Variants in CLASP2 observed in about 807,000 individuals in gnomAD.
CLASP2 encodes CLIP-associating protein 2.
CLASP2 carries 47 observed loss-of-function variants against 194.4 expected under a neutral mutation model. The observed-to-expected ratio is 0.24, with a 90% CI of 0.19 to 0.31. The LOEUF (loss-of-function observed/expected upper bound fraction) is 0.31, where lower values mean the gene tolerates loss of function less well. Among genes scored for constraint, CLASP2 ranks in the 10% least tolerant of loss-of-function variants. The probability of loss-of-function intolerance (pLI) is 1.00; values close to 1 mark genes in which losing one functional copy is unlikely to be tolerated. For synonymous variants in CLASP2, 619 were observed against 633.5 expected, an observed-to-expected ratio of 0.98 and a Z score of 0.34; for missense variants, 1,445 against 1,823.6, an observed-to-expected ratio of 0.79 and a Z score of 3.78.
rs537846651 is a variant in CLASP2, at chr3:33,667,406, C to CAAAAAAA, written c.645-3898_645-3892dup. ...CCTGGGTGACAGAGTGAGACTATCT[C>CAAAAAAA]AAAAAAAAAAAAAAAAAAAAAAGAC... is the stretch of plus-strand genomic sequence containing the variant. On this transcript the variant is annotated intron_variant, in intron 6 of 38. Transcript: ENST00000682230. Among the ~76,000 whole-genome samples, 19 of 44,126 alleles carry CAAAAAAA rather than the reference C, an allele frequency of 4.3e-4. 1 individual carries two copies. Among genetic ancestry groups the CAAAAAAA allele is most frequent in the East Asian group, 1.3e-3 (2 of 1,496 alleles). 28.9% of individuals were successfully genotyped at this position (44,126 alleles called of 152,430 possible). A position where few individuals can be genotyped will look rare whatever the true frequency, so the allele number is the denominator to read the frequency against.
intron 34 of CLASP2, among the ~76,000 whole-genome samples, chr3:33,527,970 C>G (rs890027598): frequency 1.3e-5 from 2 of 151,078 alleles, no homozygotes; most frequent in Non-Finnish European, 3.0e-5. Flanking sequence ...CAAAACAAAA[C>G]AAAAAAAACC....
At chr3:33,590,125 T>C (rs949020807) in intron 21 of CLASP2, among the ~76,000 whole-genome samples, 1 of 152,216 alleles carries the variant, frequency 6.6e-6, no homozygotes, top group African/African-American at 2.4e-5. Flanking sequence ...ATGACAATTT[T>C]ATTAGCCAAC....
chr3:33,700,141 C>T (rs574937571), intron 1 of CLASP2, among the ~76,000 whole-genome samples: 1 of 152,026 alleles, frequency 6.6e-6, no homozygotes, highest in Non-Finnish European at 1.5e-5. Context: ...TATTTAAAAC[C>T]TTAAAAATAA....
intron 37 of CLASP2, among the ~76,000 whole-genome samples, chr3:33,507,534 T>C (rs530614865): frequency 6.6e-6 from 1 of 152,282 alleles, no homozygotes; most frequent in Non-Finnish European, 1.5e-5. Flanking sequence ...TAGGCTGAAG[T>C]GCAGTGGTAT....
chr3:33,627,104 T>A (rs371093239), intron 9 of CLASP2, 24 bp from the exon 10 acceptor site: 31 of 1,320,124 alleles, frequency 2.3e-5, no homozygotes, highest in Non-Finnish European at 3.1e-5. Flanking sequence ...TTCAGAATTA[T>A]AACAATGTTT....
intron 8 of CLASP2, among the ~76,000 whole-genome samples, chr3:33,642,727 T>C (rs2081534477): frequency 6.6e-6 from 1 of 151,828 alleles, no homozygotes; most frequent in African/African-American, 2.4e-5. Context: ...TAAAGTTAAA[T>C]TTTCAAAGGA....
intron 25 of CLASP2, among the ~76,000 whole-genome samples, chr3:33,571,031 T>TTTTTTTTTTTTTTTTTTTTTTG (rs2063649145): frequency 6.8e-6 from 1 of 147,112 alleles, no homozygotes; most frequent in Non-Finnish European, 1.5e-5. Context: ...TTTTTTTTTT[T>TTTTTTTTTTTTTTTTTTTTTTG]TTGAGACGGA....
intron 20 of CLASP2, 128 bp downstream of exon 20, chr3:33,594,823 T>TA (rs1182259123): frequency 4.3e-6 from 2 of 462,950 alleles, no homozygotes; most frequent in Non-Finnish European, 7.4e-6. Context: ...ATGTAGAACT[T>TA]ACTACAACTG....
intron 34 of CLASP2, among the ~76,000 whole-genome samples, chr3:33,517,843 G>A (rs1414373976): frequency 2.0e-5 from 3 of 152,076 alleles, no homozygotes; most frequent in Non-Finnish European, 1.5e-5. Context: ...TTGTGGAGAC[G>A]GGGTTTCGCC....
At chr3:33,575,057 T>TA (rs2064553724) in intron 24 of CLASP2, among the ~76,000 whole-genome samples, 1 of 152,078 alleles carries the variant, frequency 6.6e-6, no homozygotes, top group Admixed American at 6.5e-5. Flanking sequence ...TTATCCAATT[T>TA]AAAAAACCCA....
At chr3:33,672,278 G>A (rs977876859) in intron 6 of CLASP2, among the ~76,000 whole-genome samples, 12 of 152,134 alleles carry the variant, frequency 7.9e-5, no homozygotes, top group Non-Finnish European at 1.2e-4. Context: ...AGCAGCATTC[G>A]CGGTTCACGA....
chr3:33,576,475 T>A, intron 23 of CLASP2, 200 bp from the exon 24 acceptor site: 1 of 522,524 alleles, frequency 1.9e-6, no homozygotes. Context: ...ACTGACAATG[T>A]GTGAAAAATA....
At chr3:33,575,187 C>T (rs915882661) in intron 24 of CLASP2, among the ~76,000 whole-genome samples, 1 of 152,080 alleles carries the variant, frequency 6.6e-6, no homozygotes, top group African/African-American at 2.4e-5. Flanking sequence ...AAAGTCCCTA[C>T]TTAATTATAT....
At chr3:33,711,307 G>A (rs535352542) in intron 1 of CLASP2, among the ~76,000 whole-genome samples, 16 of 149,060 alleles carry the variant, frequency 1.1e-4, no homozygotes, top group Admixed American at 2.0e-4. Context: ...GTGTAGTGTC[G>A]CAATCTCAGC....
chr3:33,635,598 C>G (rs1456710598), intron 8 of CLASP2, among the ~76,000 whole-genome samples: 1 of 152,022 alleles, frequency 6.6e-6, no homozygotes, highest in East Asian at 1.9e-4. Context: ...AAAACAGACC[C>G]ACAAATGTAA....
rs756036091 is a variant in CLASP2 at position 33,517,214 on chromosome 3, G to C, written c.3788-40C>G. The C allele has an allele frequency of 2.0e-6, 3 of 1,490,880 alleles. No individual in the cohort carries two copies. In the African/African-American group the frequency reaches 4.3e-5, roughly 21 times the overall value. 92.4% of individuals were successfully genotyped at this position (1,490,880 alleles called of 1,614,324 possible). On this transcript the variant is annotated intron_variant, in intron 34 of 38. Coordinates refer to ENST00000682230, the MANE Select transcript of CLASP2 (RefSeq NM_001365631.1). Reference sequence around the variant, plus strand: ...TGGTATTAGTTCTATAACTTTATAGGGTGACTCTCACAAGTATGGGGATAA... The same window carrying C: ...TGGTATTAGTTCTATAACTTTATAGCGTGACTCTCACAAGTATGGGGATAA...
intron 29 of CLASP2, chr3:33,558,329 AG>A (rs2061296311): frequency 6.6e-6 from 1 of 152,212 alleles, no homozygotes; most frequent in Non-Finnish European, 1.5e-5. Flanking sequence ...AGCCCTGATA[AG>A]AAACATAATT....
rs1264080770 is a variant in CLASP2, at chr3:33,635,500, C to T, written c.863-3129G>A. Among the ~76,000 whole-genome samples the T allele has an allele frequency of 3.9e-5, 6 of 152,244 alleles. No homozygotes were observed. In the East Asian group the frequency reaches 9.7e-4, roughly 25 times the overall value. ...AGGGGCTACTTACGCTATCAGACAACAAGACTTACAAAGCTGAAATAACTA... is the reference window on the plus strand; with the variant it reads ...AGGGGCTACTTACGCTATCAGACAATAAGACTTACAAAGCTGAAATAACTA... On this transcript the variant is annotated intron_variant, in intron 8 of 38. Transcript: ENST00000682230.
At chr3:33,695,544 G>A (rs2091801012) in intron 2 of CLASP2, among the ~76,000 whole-genome samples, 3 of 151,982 alleles carry the variant, frequency 2.0e-5, no homozygotes, top group Admixed American at 6.6e-5. Context: ...CTGACAGAAT[G>A]GTAGGTAGCA....
Sources: allele counts gnomAD v4.1 joint callset (sites outside exome capture counted in the v4.1 genomes callset), GRCh38; gene constraint gnomAD v4.1.1; transcripts MANE v1.5; gene names NCBI Gene and HGNC (gene_info 2026-07-23, HGNC 2026-07-21).